ELF1: variants seen among roughly 807,000 people sequenced by gnomAD.
ELF1 encodes E74 like ETS transcription factor 1, also known as ETS-related transcription factor Elf-1.
ELF1 carries 24 observed loss-of-function variants against 59.9 expected under a neutral mutation model. The ratio of observed to expected loss-of-function variants is 0.40; its 90% confidence interval spans 0.29 to 0.56. The LOEUF (loss-of-function observed/expected upper bound fraction) is 0.56. ELF1 is among the 20% of genes least tolerant of loss of function. The pLI is 0.44. For synonymous variants in ELF1, 248 were observed against 266.2 expected, an observed-to-expected ratio of 0.93 and a Z score of 0.67; for missense variants, 627 against 742.2, an observed-to-expected ratio of 0.84 and a Z score of 1.80.
chr13:41,026,472 G>T (rs1875919543), intron 1 of ELF1, among the ~76,000 whole-genome samples: 1 of 152,194 alleles, frequency 6.6e-6, no homozygotes, highest in Non-Finnish European at 1.5e-5. Context: ...TCTGCAAGCT[G>T]CTCTGCCACT....
chr13:40,967,791 A>G (rs561828956), intron 2 of ELF1, among the ~76,000 whole-genome samples: 3 of 150,614 alleles, frequency 2.0e-5, no homozygotes, highest in East Asian at 2.0e-4. Context: ...AGGTCTCTCT[A>G]TGTTGCCCAG....
intron 7 of ELF1, among the ~76,000 whole-genome samples, chr13:40,942,297 A>G (rs1227496340): frequency 6.6e-6 from 1 of 152,152 alleles, no homozygotes; most frequent in Non-Finnish European, 1.5e-5. Flanking sequence ...ATATCTGTCT[A>G]TCCCCTAAAA....
intron 3 of ELF1, chr13:40,951,725 G>A (rs182856860): frequency 1.5e-4 from 29 of 188,110 alleles, no homozygotes; most frequent in African/African-American, 6.8e-4. Context: ...AAATTAGCTG[G>A]GCGTGGTGGC....
In ELF1 at chr13:41,044,757, T is replaced by G. The variant is rs542954249; in HGVS notation, c.-229+16081A>C. Among the ~76,000 whole-genome samples, 41 of 152,310 alleles carry G rather than the reference T, an allele frequency of 2.7e-4. 2 individuals are homozygous for G. In the South Asian group the frequency reaches 6.4e-3, roughly 24 times the overall value. On this transcript the variant is annotated intron_variant, in intron 1 of 1. Coordinates refer to the ELF1 transcript ENST00000405737. ...CAGGGATATTGATCTAAAATTCTCT[T>G]TTTTTGTTGTGTCTCTGCCCGGCTT...
At chr13:41,060,136 G>A (rs1416557833) in intron 1 of ELF1, among the ~76,000 whole-genome samples, 2 of 152,198 alleles carry the variant, frequency 1.3e-5, no homozygotes, top group African/African-American at 4.8e-5. Flanking sequence ...GGGTGGAGAC[G>A]CGAGCGCACA....
chr13:40,977,340 T>C (rs1156391478), intron 2 of ELF1, among the ~76,000 whole-genome samples: 1 of 152,134 alleles, frequency 6.6e-6, no homozygotes, highest in Non-Finnish European at 1.5e-5. Context: ...AAGTGCTTCA[T>C]TCTCAGCTAC....
chr13:41,053,264 G>C (rs1484036910), intron 1 of ELF1, among the ~76,000 whole-genome samples: 1 of 151,750 alleles, frequency 6.6e-6, no homozygotes, highest in Non-Finnish European at 1.5e-5. Context: ...TGAGGCATGA[G>C]AATTGCTTGA....
At position 40,993,134 on chromosome 13, in the gene ELF1, T is replaced by C. The variant is rs1028167620; in HGVS notation, c.-228-10852A>G. ...CTGCAGTGGGGTTTTGGCATTCCTC[T>C]AGGACCTGGATACTCTCCATTTTTG... is the stretch of plus-strand genomic sequence containing the variant. On this transcript the variant is annotated intron_variant, in intron 1 of 8. Transcript: ENST00000239882. The C allele has an allele frequency of 1.9e-5, 29 of 1,564,450 alleles. No homozygotes were observed. The South Asian group carries it at 3.1e-4, about 17-fold the overall frequency.
At chr13:41,026,804 C>T (rs1331946134) in intron 1 of ELF1, among the ~76,000 whole-genome samples, 1 of 152,110 alleles carries the variant, frequency 6.6e-6, no homozygotes, top group Non-Finnish European at 1.5e-5. Context: ...TGTGATTGGG[C>T]CTGCGTAGGT....
At chr13:41,029,700 G>C (rs764081514) in intron 1 of ELF1, among the ~76,000 whole-genome samples, 1 of 152,148 alleles carries the variant, frequency 6.6e-6, no homozygotes, top group African/African-American at 2.4e-5. Context: ...ATTTCAATCA[G>C]TGGACTCCAT....
chr13:40,958,379 T>C (rs1311994990), intron 3 of ELF1, among the ~76,000 whole-genome samples: 1 of 152,096 alleles, frequency 6.6e-6, no homozygotes, highest in Admixed American at 6.6e-5. Flanking sequence ...TTCACAGGAA[T>C]ACGGAGGAAG....
chr13:40,932,084 TAG>T lies in ELF1; in HGVS notation c.*1339_*1340del, dbSNP rs1869445152. The T allele has an allele frequency of 6.6e-6, 1 of 152,218 alleles. No individual in the cohort carries two copies. The highest frequency in any genetic ancestry group is 2.1e-4 in the South Asian group (1 of 4,832). The allele number at this position is 152,218 out of a possible 1,614,324, so 9.4% of individuals were successfully genotyped here. On this transcript the variant is annotated 3_prime_UTR_variant, in exon 9 of 9. Transcript: ENST00000239882. ...AACCAATTAAAGATACAAAAATGTT[TAG>T]AGGATTCCAAAATTTAAATTTTTGT...
intron 1 of ELF1, among the ~76,000 whole-genome samples, chr13:41,060,349 G>T (rs944662615): frequency 6.6e-6 from 1 of 152,248 alleles, no homozygotes; most frequent in South Asian, 2.1e-4. Context: ...TCGCAAGAGC[G>T]GCTGAAGAGG....
In ELF1 at chr13:40,994,157, CAT is replaced by C. The variant is rs140708423; in HGVS notation, c.-228-11877_-228-11876del. 4.0e-3 allele frequency among the ~76,000 whole-genome samples: 609 copies of C among 152,274 alleles called. 3 individuals are homozygous for C. The highest frequency in any genetic ancestry group is 0.014 in the African/African-American group (568 of 41,548). ...CAAACCTGAAATTCCAGTTCTTTCA[CAT>C]AGTTCTTCACTTCCCATCATTGGCC... On this transcript the variant is annotated intron_variant, in intron 1 of 8. Coordinates refer to ENST00000239882, the MANE Select transcript of ELF1 (RefSeq NM_172373.4).
intron 8 of ELF1, among the ~76,000 whole-genome samples, chr13:40,936,265 AG>A (rs1191675360): frequency 6.6e-6 from 1 of 152,138 alleles, no homozygotes; most frequent in Non-Finnish European, 1.5e-5. Flanking sequence ...CTTCATCTTT[AG>A]TAAATACTAA....
chr13:40,940,386 GAAAAAAAAAA>G lies in ELF1; in HGVS notation c.1256+525_1256+534del, dbSNP rs375400990. Among the ~76,000 whole-genome samples, 69 of 109,870 alleles carry G rather than the reference GAAAAAAAAAA, an allele frequency of 6.3e-4. No homozygotes were observed. In the East Asian group the frequency reaches 0.016, roughly 26 times the overall value. The allele number at this position is 109,870 out of a possible 152,430, so 72.1% of individuals were successfully genotyped here. A position where few individuals can be genotyped will look rare whatever the true frequency, so the allele number is the denominator to read the frequency against. On this transcript the variant is annotated intron_variant, in intron 8 of 8. Transcript: ENST00000239882. ...GCTCTGAGGCAAATCTGATTTAACT[GAAAAAAAAAA>G]AAAAAAAAAAAAAAAAAAAAAACAA...
intron 1 of ELF1, among the ~76,000 whole-genome samples, chr13:41,030,260 T>C (rs1308825849): frequency 6.6e-6 from 1 of 152,158 alleles, no homozygotes; most frequent in Non-Finnish European, 1.5e-5. Flanking sequence ...AATGAGCAAC[T>C]GTGCCAAATG....
At chr13:40,955,079 G>A (rs1283680772) in intron 3 of ELF1, among the ~76,000 whole-genome samples, 3 of 150,598 alleles carry the variant, frequency 2.0e-5, no homozygotes, top group Middle Eastern at 3.4e-3. Flanking sequence ...GGGATGTGAG[G>A]AGCGTCTCTG....
chr13:40,939,936 A>G (rs747612072), intron 8 of ELF1, among the ~76,000 whole-genome samples: 6 of 152,222 alleles, frequency 3.9e-5, no homozygotes, highest in Non-Finnish European at 8.8e-5. Flanking sequence ...CTCCTTGCAA[A>G]TCAAGTGAAG....
Sources: gnomAD v4.1 joint callset for allele counts (sites outside exome capture counted in the v4.1 genomes callset) on GRCh38, gnomAD v4.1.1 for gene constraint, MANE v1.5 for transcripts, NCBI Gene and HGNC (gene_info 2026-07-23, HGNC 2026-07-21) for gene names.